CHD9: variants seen among roughly 807,000 people sequenced by gnomAD.
The protein encoded by CHD9 is chromodomain helicase DNA binding protein 9, also known as ATP-dependent chromatin remodeler CHD9.
Under a neutral mutation model 316.1 loss-of-function variants are expected in CHD9, and 77 were observed. The ratio of observed to expected loss-of-function variants is 0.24; its 90% confidence interval spans 0.20 to 0.29. The LOEUF is 0.29. Among genes scored for constraint, CHD9 ranks in the 10% least tolerant of loss-of-function variants. CHD9 has a pLI of 1.00. For synonymous variants in CHD9, 1,129 were observed against 1,158.3 expected, an observed-to-expected ratio of 0.97 and a Z score of 0.51; for missense variants, 2,763 against 3,438.1, an observed-to-expected ratio of 0.80 and a Z score of 4.91.
chr16:53,172,985 A>G (rs73601518), intron 2 of CHD9, among the ~76,000 whole-genome samples: 5,830 of 152,084 alleles, frequency 0.038, 378 homozygotes, highest in African/African-American at 0.13. Context: ...TGAAGGGCAA[A>G]AGTTGTTAAA....
chr16:53,261,359 CTTTTTTTTTTTTT>C (rs1195811638), intron 19 of CHD9, among the ~76,000 whole-genome samples: 1 of 61,880 alleles, frequency 1.6e-5, no homozygotes, highest in Non-Finnish European at 3.0e-5. Flanking sequence ...GTGTTTTAGA[CTTTTTTTTTTTTT>C]TTTTTTTTTT....
At chr16:53,184,171 C>T (rs1332778534) in intron 2 of CHD9, among the ~76,000 whole-genome samples, 1 of 152,020 alleles carries the variant, frequency 6.6e-6, no homozygotes, top group African/African-American at 2.4e-5. Flanking sequence ...GTCTCGATCT[C>T]CTGACCTCGT....
intron 26 of CHD9, among the ~76,000 whole-genome samples, chr16:53,287,654 G>A (rs531751260): frequency 4.8e-4 from 73 of 152,302 alleles, no homozygotes; most frequent in Non-Finnish European, 8.7e-4. Flanking sequence ...TTGAACCCGG[G>A]AGGTGGAGGT....
In CHD9 at chr16:53,156,853, C is replaced by T. The variant is rs755585262; in HGVS notation, c.764C>T (p.Pro255Leu). ...CATCAAGAAGGAAATTTTAATGGACCTTCCCCAAATATGACTTCTTGTTCT... is the reference window on the plus strand; with the variant it reads ...CATCAAGAAGGAAATTTTAATGGACTTTCCCCAAATATGACTTCTTGTTCT... Reference protein sequence around the residue: ...SSHQEGNFNGPSPNMTSCSVS... With the variant: ...SSHQEGNFNGLSPNMTSCSVS... Residue 255 changes from proline (P) to leucine (L), a missense_variant, in exon 2 of 39, where the codon CCT becomes CTT. Physicochemically the swap from Pro to Leu is moderately conservative, Grantham distance 98 (BLOSUM62 -3). Around this residue, in one of 15 missense-constraint regions of CHD9, gnomAD observed 859 missense variants for 890.4 expected, o/e 0.96. Coordinates refer to ENST00000447540, the MANE Select transcript of CHD9 (RefSeq NM_001308319.2). 6 of 1,613,512 alleles carry T rather than the reference C, an allele frequency of 3.7e-6. No homozygotes were observed. Among genetic ancestry groups the T allele is most frequent in the African/African-American group, 1.3e-5 (1 of 74,896 alleles).
chr16:53,113,547 A>T (rs2038035373), intron 1 of CHD9, among the ~76,000 whole-genome samples: 1 of 151,812 alleles, frequency 6.6e-6, no homozygotes, highest in South Asian at 2.1e-4. Flanking sequence ...TCTTGACGTC[A>T]TGATGCACCC....
chr16:53,231,432 C>A lies in CHD9; in HGVS notation c.2300C>A (p.Pro767Gln). The A allele has an allele frequency of 1.3e-6, 2 of 1,587,388 alleles. No homozygotes were observed. Among genetic ancestry groups the A allele is most frequent in the South Asian group, 1.1e-5 (1 of 89,012 alleles). The change falls in exon 9 of 39, where the codon CCA becomes CAA. Residue 767 changes from proline (P) to glutamine (Q), a missense_variant. Transcript: ENST00000447540. ...TTTTAATTTTAGATGGAAGAAGAAC[C>A]ATTTAACCCAGACTACGTTGAAGTA... ...AHFFADMEEE[P>Q]FNPDYVEVDR...
intron 1 of CHD9, among the ~76,000 whole-genome samples, chr16:53,072,105 C>T (rs972727941): frequency 2.0e-5 from 3 of 152,086 alleles, no homozygotes; most frequent in African/African-American, 7.2e-5. Flanking sequence ...ACTCTGTCTC[C>T]TTTTCTTTCT....
intron 1 of CHD9, among the ~76,000 whole-genome samples, chr16:53,146,650 T>C (rs1414487308): frequency 6.7e-6 from 1 of 149,092 alleles, no homozygotes; most frequent in Admixed American, 6.7e-5. Context: ...AATACAAAAA[T>C]TAGCCAGGTA....
At chr16:53,130,858 T>C (rs2152679030) in intron 1 of CHD9, 1 of 151,812 alleles carries the variant, frequency 6.6e-6, no homozygotes, top group East Asian at 2.0e-4. Context: ...CCCGGGCCAA[T>C]CAGCGGCGCG....
chr16:53,056,645 G>A (rs1322329480), intron 1 of CHD9, among the ~76,000 whole-genome samples: 3 of 152,208 alleles, frequency 2.0e-5, no homozygotes, highest in African/African-American at 4.8e-5. Flanking sequence ...CGGGGCAGGC[G>A]CGTGGTGTGT....
chr16:53,157,770 G>A (rs564378061), intron 2 of CHD9, among the ~76,000 whole-genome samples: 1 of 152,224 alleles, frequency 6.6e-6, no homozygotes, highest in South Asian at 2.1e-4. Flanking sequence ...AAAATTATAA[G>A]GTGTTAAGAC....
At chr16:53,198,983 T>C (rs1289455978) in intron 2 of CHD9, among the ~76,000 whole-genome samples, 2 of 152,116 alleles carry the variant, frequency 1.3e-5, no homozygotes, top group Admixed American at 1.3e-4. Context: ...CATTTGAATA[T>C]AGCAGATGAA....
At chr16:53,193,497 G>T (rs562560046) in intron 2 of CHD9, among the ~76,000 whole-genome samples, 1 of 152,144 alleles carries the variant, frequency 6.6e-6, no homozygotes, top group African/African-American at 2.4e-5. Context: ...GATGTAGATT[G>T]ATATCTCATT....
intron 1 of CHD9, among the ~76,000 whole-genome samples, chr16:53,128,977 G>A (rs550143854): frequency 4.7e-4 from 72 of 152,270 alleles, no homozygotes; most frequent in African/African-American, 1.6e-3. Flanking sequence ...CAGCCCAGTA[G>A]TGAGGAAGGA....
intron 2 of CHD9, among the ~76,000 whole-genome samples, chr16:53,203,718 A>G (rs2045638420): frequency 6.6e-6 from 1 of 151,974 alleles, no homozygotes; most frequent in Non-Finnish European, 1.5e-5. Flanking sequence ...GCATTTCTTC[A>G]TATTTTAAAA....
At chr16:53,251,749 C>T (rs1345351930) in intron 17 of CHD9, among the ~76,000 whole-genome samples, 1 of 152,064 alleles carries the variant, frequency 6.6e-6, no homozygotes, top group East Asian at 1.9e-4. Flanking sequence ...AAATATGAAG[C>T]CCTTATGTGA....
At chr16:53,133,320 T>G (rs2039471637) in intron 1 of CHD9, among the ~76,000 whole-genome samples, 1 of 151,948 alleles carries the variant, frequency 6.6e-6, no homozygotes, top group African/African-American at 2.4e-5. Context: ...CTAAGTAAGG[T>G]GTATGAGCAG....
intron 1 of CHD9, among the ~76,000 whole-genome samples, chr16:53,135,444 G>T (rs1365548842): frequency 6.6e-6 from 1 of 152,186 alleles, no homozygotes; most frequent in Non-Finnish European, 1.5e-5. Flanking sequence ...CATGATGGTA[G>T]CCAGATTATA....
chr16:53,228,100 A>T (rs1033738236), intron 7 of CHD9, among the ~76,000 whole-genome samples: 5 of 152,082 alleles, frequency 3.3e-5, no homozygotes, highest in Admixed American at 3.3e-4. Context: ...AAAAAAAATT[A>T]AATTTTTTTT....
Sources: gnomAD v4.1 joint callset for allele counts (sites outside exome capture counted in the v4.1 genomes callset) on GRCh38, gnomAD v4.1.1 for gene constraint, gnomAD v4.1.1 regional missense constraint, MANE v1.5 for transcripts, NCBI Gene and HGNC (gene_info 2026-07-23, HGNC 2026-07-21) for gene names.